The following BCAR1 variants were observed in gnomAD, a reference collection of about 807,000 sequenced individuals.
BCAR1 encodes BCAR1 scaffold protein, Cas family member.
Under a neutral mutation model 67.6 loss-of-function variants are expected in BCAR1, and 30 were observed. That is an observed-to-expected ratio of 0.44 (90% CI 0.33 to 0.60). BCAR1 has a LOEUF of 0.60. Among genes scored for constraint, BCAR1 ranks in the 20% least tolerant of loss-of-function variants. The pLI is 0.02. For synonymous variants in BCAR1, 626 were observed against 556.7 expected (o/e 1.12, Z -1.75); for missense variants, 1,313 against 1,222.3 (o/e 1.07, Z -1.11).
At chr16:75,264,333 A>T in intron 1 of BCAR1, 1 of 1,482,994 alleles carries the variant, frequency 6.7e-7, no homozygotes. Flanking sequence ...TTCCCTAATC[A>T]CTACTGCCCT....
chr16:75,232,690 C>CT (rs779516972), intron 6 of BCAR1, among the ~76,000 whole-genome samples: 17 of 152,196 alleles, frequency 1.1e-4, no homozygotes, highest in Admixed American at 3.3e-4. Flanking sequence ...CCCCCACCCC[C>CT]TGCCACCCTG....
chr16:75,263,652 C>T (rs1419224061), intron 1 of BCAR1: 24 of 985,496 alleles, frequency 2.4e-5, no homozygotes, highest in Non-Finnish European at 2.9e-5. Context: ...CTTCCCCTCC[C>T]ATCCCCTTCT....
chr16:75,248,378 G>C, intron 1 of BCAR1: 1 of 1,248,436 alleles, frequency 8.0e-7, no homozygotes, highest in Non-Finnish European at 1.0e-6. Context: ...TTTATTTCTG[G>C]GGCATTCTAT....
In BCAR1 at chr16:75,234,837, C is replaced by T. The variant is rs1041105926; in HGVS notation, c.2010+52G>A. The T allele has an allele frequency of 9.9e-6, 15 of 1,512,338 alleles. No homozygotes were observed. The South Asian group carries it at 2.0e-4, about 20-fold the overall frequency. 93.7% of individuals were successfully genotyped at this position (1,512,338 alleles called of 1,614,324 possible). A position where few individuals can be genotyped will look rare whatever the true frequency, so the allele number is the denominator to read the frequency against. On this transcript the variant is annotated intron_variant, in intron 5 of 6. Coordinates refer to ENST00000162330, the MANE Select transcript of BCAR1 (RefSeq NM_014567.5). ...CTGAGAACAAATCTCCCCCTAAGCA[C>T]AGGAGCCCAGCGTGGCAGAAGAGGA...
chr16:75,238,702 T>C (rs1205695676), intron 2 of BCAR1: 1 of 985,520 alleles, frequency 1.0e-6, no homozygotes, highest in Non-Finnish European at 1.2e-6. Flanking sequence ...CCAGTGCGTC[T>C]GGGAGTGGAT....
chr16:75,263,480 C>T (rs551358395), intron 1 of BCAR1: 12 of 985,294 alleles, frequency 1.2e-5, no homozygotes, highest in African/African-American at 1.7e-5. Context: ...GGAAGGGGCA[C>T]TGAGCAGGTA....
chr16:75,264,547 C>A, intron 1 of BCAR1: 1 of 1,376,408 alleles, frequency 7.3e-7, no homozygotes, highest in Non-Finnish European at 9.4e-7. Flanking sequence ...TGCTCTGAAC[C>A]AGAACGGATG....
intron 6 of BCAR1, 76 bp downstream of exon 6, chr16:75,233,770 G>T: frequency 6.9e-7 from 1 of 1,442,104 alleles, no homozygotes; most frequent in Non-Finnish European, 9.4e-7. Context: ...ACCCGGGGTC[G>T]GCCCTGCAGG....
At chr16:75,234,174 C>G (rs912808743) in intron 5 of BCAR1, among the ~76,000 whole-genome samples, 1,994 of 150,002 alleles carry the variant, frequency 0.013, 46 homozygotes, top group African/African-American at 0.046. Context: ...GACACACACA[C>G]ACACACACAC....
In BCAR1 at chr16:75,235,575, A is replaced by G. The variant is rs775297410; in HGVS notation, c.1324T>C (p.Ser442Pro). Reference protein sequence around the residue: ...TGSTRSSQSASSLEVAGPGRE... With the variant: ...TGSTRSSQSAPSLEVAGPGRE... ...CCCGGCCCTGCCACCTCCAAGGAGG[A>G]CGCAGACTGGCTGCTGCGTGTGCTG... The change falls in exon 5 of 7, where the codon TCC (serine) becomes CCC (proline). Residue 442 changes from serine to proline, a missense_variant. Physicochemically the swap from Ser to Pro is moderately conservative, Grantham distance 74. This residue lies in a region of BCAR1 where 1,272 missense variants were observed against 1,137.5 expected (regional missense o/e 1.12). Coordinates refer to ENST00000162330, the MANE Select transcript of BCAR1 (RefSeq NM_014567.5). 1 of 1,596,002 alleles carries G rather than the reference A, an allele frequency of 6.3e-7. No homozygotes were observed. Among genetic ancestry groups the G allele is most frequent in the Non-Finnish European group, 8.5e-7 (1 of 1,171,302 alleles).
chr16:75,238,780 T>G (rs2077231572), intron 2 of BCAR1: 1 of 985,378 alleles, frequency 1.0e-6, no homozygotes, highest in African/African-American at 1.7e-5. Flanking sequence ...CCAGAACTAT[T>G]TTTAGATGCA....
At chr16:75,250,857 T>C in intron 1 of BCAR1, 2 of 985,378 alleles carry the variant, frequency 2.0e-6, no homozygotes, top group South Asian at 9.4e-5. Flanking sequence ...CCACCGGCGC[T>C]CGGCGTGCGG....
chr16:75,251,820 C>A (rs977557515), upstream of BCAR1: 5 of 362,882 alleles, frequency 1.4e-5, no homozygotes, highest in Non-Finnish European at 1.5e-5. Flanking sequence ...AGGCTCCAGG[C>A]CCCTGCCCGA....
chr16:75,255,191 G>C (rs145097382), upstream of BCAR1, among the ~76,000 whole-genome samples: 15 of 152,320 alleles, frequency 9.8e-5, no homozygotes, highest in African/African-American at 3.1e-4. Flanking sequence ...AAAAGAGCAG[G>C]CTAAAACCAG....
At chr16:75,244,937 G>T (rs746123348) in intron 1 of BCAR1, among the ~76,000 whole-genome samples, 2 of 152,244 alleles carry the variant, frequency 1.3e-5, no homozygotes, top group Non-Finnish European at 2.9e-5. Context: ...TGAGACAATG[G>T]AGATAGTTTC....
At chr16:75,256,521 G>GC (rs1213518586), upstream of BCAR1, among the ~76,000 whole-genome samples, 1 of 151,738 alleles carries the variant, frequency 6.6e-6, no homozygotes. Context: ...GGATGGGGGG[G>GC]GGTGGGGCCT....
At position 75,235,111 on chromosome 16, in the gene BCAR1, G is replaced by A. The variant is rs1366081047; in HGVS notation, c.1788C>T (p.Phe596=). ...VPEDAKQLAS[F]LHGNASLLFR... ...AGAGCAGTGAGGCATTGCCGTGCAGGAAGGAGGCCAGCTGCTTGGCGTCCT... is the reference window on the plus strand; with the variant it reads ...AGAGCAGTGAGGCATTGCCGTGCAGAAAGGAGGCCAGCTGCTTGGCGTCCT... Residue 596 remains phenylalanine, a synonymous_variant, in exon 5 of 7, where the codon TTC becomes TTT. Coordinates refer to ENST00000162330, the MANE Select transcript of BCAR1 (RefSeq NM_014567.5). 1 of 1,611,544 alleles carries A rather than the reference G, an allele frequency of 6.2e-7. No homozygotes were observed. Among genetic ancestry groups the A allele is most frequent in the Admixed American group, 1.7e-5 (1 of 60,028 alleles).
At chr16:75,237,716 C>G (rs1442575153) in intron 2 of BCAR1, among the ~76,000 whole-genome samples, 2 of 152,190 alleles carry the variant, frequency 1.3e-5, no homozygotes, top group Non-Finnish European at 2.9e-5. Flanking sequence ...GCAAGGAACC[C>G]CCCGTTACTG....
chr16:75,241,554 G>A (rs1257059373), intron 2 of BCAR1, among the ~76,000 whole-genome samples: 1 of 152,210 alleles, frequency 6.6e-6, no homozygotes, highest in Admixed American at 6.5e-5. Flanking sequence ...CTGACCAGAT[G>A]GCTGAAGGAG....
Sources: allele counts gnomAD v4.1 joint callset (sites outside exome capture counted in the v4.1 genomes callset), GRCh38; gene constraint gnomAD v4.1.1; regional missense constraint gnomAD v4.1.1; transcripts MANE v1.5; gene names NCBI Gene and HGNC (gene_info 2026-07-23, HGNC 2026-07-21).